ADGRB3: variants seen among roughly 807,000 people sequenced by gnomAD.
ADGRB3 encodes brain-specific angiogenesis inhibitor 3.
Under a neutral mutation model 193.4 loss-of-function variants are expected in ADGRB3, and 37 were observed. The observed-to-expected ratio is 0.19, with a 90% CI of 0.15 to 0.25. The LOEUF (loss-of-function observed/expected upper bound fraction) is 0.25, where lower values mean the gene tolerates loss of function less well. Ranked by LOEUF, ADGRB3 falls within the 10% of genes least tolerant of loss-of-function variation. The pLI, the probability that ADGRB3 is intolerant of heterozygous loss-of-function variation, is 1.00. For missense variants in ADGRB3, 1,637 were observed against 1,852.9 expected (o/e 0.88, Z 2.14); for synonymous variants, 690 against 644.2 (o/e 1.07, Z -1.08).
At chr6:68,716,240 T>C (rs1338363212) in intron 3 of ADGRB3, among the ~76,000 whole-genome samples, 2 of 151,764 alleles carry the variant, frequency 1.3e-5, no homozygotes, top group African/African-American at 2.4e-5. Context: ...ATTCAGCTGC[T>C]TTAATTAAAA....
At chr6:68,791,689 A>G (rs1767110421) in intron 3 of ADGRB3, among the ~76,000 whole-genome samples, 1 of 152,208 alleles carries the variant, frequency 6.6e-6, no homozygotes, top group African/African-American at 2.4e-5. Context: ...TTCACCCTCT[A>G]AAAAGATCTT....
chr6:68,720,039 C>T (rs1382867482), intron 3 of ADGRB3, among the ~76,000 whole-genome samples: 1 of 151,706 alleles, frequency 6.6e-6, no homozygotes, highest in African/African-American at 2.4e-5. Flanking sequence ...ACTGAAATTT[C>T]ATTAAACTTC....
At chr6:68,829,979 C>A (rs536484045) in intron 3 of ADGRB3, among the ~76,000 whole-genome samples, 8 of 152,136 alleles carry the variant, frequency 5.3e-5, no homozygotes, top group Middle Eastern at 3.4e-3. Context: ...ACCAAGTATA[C>A]TAAATTATCA....
intron 17 of ADGRB3, among the ~76,000 whole-genome samples, chr6:69,158,732 ATAT>A (rs1268384038): frequency 2.0e-5 from 3 of 151,968 alleles, no homozygotes; most frequent in African/African-American, 7.3e-5. Context: ...CTGCTTGAAG[ATAT>A]TATTTTTTTC....
chr6:69,342,667 A>C (rs1260017192), intron 26 of ADGRB3, among the ~76,000 whole-genome samples: 5 of 152,122 alleles, frequency 3.3e-5, no homozygotes, highest in African/African-American at 1.2e-4. Flanking sequence ...CTGTGTCTCC[A>C]CTGAACAATA....
chr6:68,844,027 G>C (rs1447846790), intron 3 of ADGRB3, among the ~76,000 whole-genome samples: 1 of 152,104 alleles, frequency 6.6e-6, no homozygotes. Flanking sequence ...AAATGCAAAT[G>C]GATTGAAGAC....
chr6:69,388,989 TATGTC>T lies in ADGRB3; in HGVS notation c.*100_*104del. 8.1e-7 allele frequency: 1 copy of T among 1,237,932 alleles called. No individual in the cohort carries two copies. The highest frequency in any genetic ancestry group is 1.1e-6 in the Non-Finnish European group (1 of 903,158). 76.7% of individuals were successfully genotyped at this position (1,237,932 alleles called of 1,614,324 possible). A position where few individuals can be genotyped will look rare whatever the true frequency, so the allele number is the denominator to read the frequency against. Reference sequence around the variant, plus strand: ...TTCTATCTGGACAGTGTGACTATCTTATGTCAGGACCTTCATGTGCCAAACGTCAG... The same window carrying T: ...TTCTATCTGGACAGTGTGACTATCTTAGGACCTTCATGTGCCAAACGTCAG... On this transcript the variant is annotated 3_prime_UTR_variant, in exon 32 of 32. Coordinates refer to ENST00000370598, the MANE Select transcript of ADGRB3 (RefSeq NM_001704.3).
intron 3 of ADGRB3, among the ~76,000 whole-genome samples, chr6:68,650,222 G>A (rs895024155): frequency 1.3e-5 from 2 of 152,096 alleles, no homozygotes; most frequent in African/African-American, 2.4e-5. Context: ...TAGCGCAAGT[G>A]TACAGAGAAA....
At chr6:68,727,385 T>C (rs1290173413) in intron 3 of ADGRB3, among the ~76,000 whole-genome samples, 1 of 151,608 alleles carries the variant, frequency 6.6e-6, no homozygotes, top group East Asian at 1.9e-4. Context: ...AAGAAACATA[T>C]GTCATTGAAT....
intron 30 of ADGRB3, among the ~76,000 whole-genome samples, chr6:69,382,259 C>T (rs1395478405): frequency 1.3e-5 from 2 of 151,826 alleles, no homozygotes. Context: ...GTCAGATTTT[C>T]CCCCTAAGAA....
At chr6:68,966,170 C>A (rs924544272) in intron 8 of ADGRB3, among the ~76,000 whole-genome samples, 1 of 152,076 alleles carries the variant, frequency 6.6e-6, no homozygotes, top group Non-Finnish European at 1.5e-5. Flanking sequence ...CTCTTACATA[C>A]AATCAGCCAT....
intron 16 of ADGRB3, among the ~76,000 whole-genome samples, chr6:69,072,020 G>GT (rs372684014): frequency 2.3e-4 from 35 of 151,468 alleles, no homozygotes; most frequent in East Asian, 1.2e-3. Flanking sequence ...AGCCAGCTTT[G>GT]TTTTTTTTAA....
At chr6:69,359,760 G>T (rs559350847) in intron 28 of ADGRB3, among the ~76,000 whole-genome samples, 1 of 152,010 alleles carries the variant, frequency 6.6e-6, no homozygotes, top group Non-Finnish European at 1.5e-5. Context: ...AATTTTAAAT[G>T]ATGATTGCTC....
chr6:68,702,186 C>T (rs1242335361), intron 3 of ADGRB3, among the ~76,000 whole-genome samples: 1 of 150,646 alleles, frequency 6.6e-6, no homozygotes, highest in African/African-American at 2.4e-5. Context: ...AGGCATGTCA[C>T]ATGGCAAGAA....
chr6:68,873,498 TGATAA>T (rs1765513913), intron 3 of ADGRB3, among the ~76,000 whole-genome samples: 1 of 152,034 alleles, frequency 6.6e-6, no homozygotes, highest in South Asian at 2.1e-4. Flanking sequence ...TAAGTGCTAG[TGATAA>T]GATAGGAGGC....
At chr6:68,694,923 A>G (rs2127304674) in intron 3 of ADGRB3, among the ~76,000 whole-genome samples, 1 of 152,184 alleles carries the variant, frequency 6.6e-6, no homozygotes, top group Middle Eastern at 3.4e-3. Context: ...TTTAGAAATC[A>G]AAGTCAGCAA....
chr6:69,135,571 T>C (rs1295341402), intron 17 of ADGRB3, among the ~76,000 whole-genome samples: 1 of 152,072 alleles, frequency 6.6e-6, no homozygotes, highest in African/African-American at 2.4e-5. Flanking sequence ...TTATACTTTT[T>C]ATTTCATTAT....
intron 3 of ADGRB3, among the ~76,000 whole-genome samples, chr6:68,906,319 T>C (rs1194249356): frequency 6.6e-6 from 1 of 151,714 alleles, no homozygotes; most frequent in Non-Finnish European, 1.5e-5. Flanking sequence ...ATACCATATA[T>C]ATTGTTGGTA....
At chr6:68,941,652 G>A (rs945849279) in intron 5 of ADGRB3, among the ~76,000 whole-genome samples, 1 of 141,778 alleles carries the variant, frequency 7.1e-6, no homozygotes, top group Admixed American at 6.8e-5. Flanking sequence ...GGAGAAAATA[G>A]GAGGAGAAAA....
Sources: gnomAD v4.1 joint callset for allele counts (sites outside exome capture counted in the v4.1 genomes callset) on GRCh38, gnomAD v4.1.1 for gene constraint, MANE v1.5 for transcripts, NCBI Gene and HGNC (gene_info 2026-07-23, HGNC 2026-07-21) for gene names.